SMAD4: variants seen among roughly 807,000 people sequenced by gnomAD.
The protein encoded by SMAD4 is SMAD family member 4.
SMAD4 carries 7 observed loss-of-function variants against 63.2 expected under a neutral mutation model. The ratio of observed to expected loss-of-function variants is 0.11; its 90% CI spans 0.06 to 0.21. The LOEUF is 0.21. Ranked by LOEUF, SMAD4 falls within the 10% of genes least tolerant of loss-of-function variation. SMAD4 has a pLI of 1.00. For missense variants in SMAD4, 312 were observed against 693.8 expected (o/e 0.45, Z 6.18); for synonymous variants, 215 against 235.4 (o/e 0.91, Z 0.79).
Position 51,083,797 on chromosome 18 carries a change from A to G in SMAD4, c.*5330A>G. 1 of 231,166 alleles carries G rather than the reference A, an allele frequency of 4.3e-6. No individual in the cohort carries two copies. The highest frequency in any genetic ancestry group is 6.1e-5 in the East Asian group (1 of 16,374). The allele number at this position is 231,166 out of a possible 1,614,324, so 14.3% of individuals were successfully genotyped here. A position where few individuals can be genotyped will look rare whatever the true frequency, so the allele number is the denominator to read the frequency against. On this transcript the variant is annotated 3_prime_UTR_variant, in exon 12 of 12. Coordinates refer to ENST00000342988, the MANE Select transcript of SMAD4 (RefSeq NM_005359.6). ...TAAGTGACCTTGGCTACCTTGCAGC[A>G]GTTTTGGATTTCTTCCTTATCTTTG...
At chr18:51,031,752 GC>G (rs1208973205) in intron 1 of SMAD4, among the ~76,000 whole-genome samples, 1 of 149,794 alleles carries the variant, frequency 6.7e-6, no homozygotes, top group Non-Finnish European at 1.5e-5. Flanking sequence ...AAAAAAAAAT[GC>G]GTAATTTCGT....
chr18:51,069,117 T>C (rs1910248443), intron 10 of SMAD4, among the ~76,000 whole-genome samples: 1 of 152,158 alleles, frequency 6.6e-6, no homozygotes, highest in South Asian at 2.1e-4. Flanking sequence ...TTATTTATGC[T>C]GTATTATTAT....
intron 1 of SMAD4, among the ~76,000 whole-genome samples, chr18:51,040,707 C>A (rs1909351212): frequency 6.6e-6 from 1 of 152,198 alleles, no homozygotes; most frequent in African/African-American, 2.4e-5. Flanking sequence ...TATTAGTATA[C>A]CTATGGTCAA....
At chr18:51,054,759 A>T (rs759341259) in intron 4 of SMAD4, 22 bp from the exon 5 acceptor site, 1 of 1,550,642 alleles carries the variant, frequency 6.4e-7, no homozygotes, top group Non-Finnish European at 8.9e-7. Flanking sequence ...AAAATTTAAA[A>T]TATGTTTAAT....
In SMAD4 at chr18:51,059,887, C is replaced by T. The variant is rs1599191240; in HGVS notation, c.926C>T (p.Ala309Val). The change falls in exon 8 of 12, where the codon GCA becomes GTA. Residue 309 changes from alanine (A) to valine (V), a missense_variant. Ala to Val is a moderately conservative substitution (Grantham distance 64). Transcript: ENST00000342988. The part of the protein sequence containing the change: ...GHYWPVHNEL[A>V]FQPPISNHPA... The stretch of plus-strand genomic sequence containing the variant: ...TTAGGGCCTGTTCACAATGAGCTTG[C>T]ATTCCAGCCTCCCATTTCCAATCAT... 2.5e-6 allele frequency: 4 copies of T among 1,613,056 alleles called. No individual in the cohort carries two copies. The East Asian group carries it at 8.9e-5, about 36-fold the overall frequency.
intron 4 of SMAD4, chr18:51,053,773 T>C (rs1461919917): frequency 6.6e-6 from 1 of 152,128 alleles, no homozygotes; most frequent in African/African-American, 2.4e-5. Context: ...TGCTGGTTCT[T>C]AATGAAAAAG....
At position 51,030,480 on chromosome 18, in the gene SMAD4, C is replaced by A. The variant is rs1378249626; in HGVS notation, c.-271C>A. The A allele has an allele frequency of 1.3e-5, 2 of 150,172 alleles. No individual in the cohort carries two copies. The highest frequency in any genetic ancestry group is 3.0e-5 in the Non-Finnish European group (2 of 67,362). 9.3% of individuals were successfully genotyped at this position (150,172 alleles called of 1,614,324 possible). On this transcript the variant is annotated 5_prime_UTR_variant, in exon 1 of 12. Coordinates refer to ENST00000342988, the MANE Select transcript of SMAD4 (RefSeq NM_005359.6). ...CCGGCCCGCGCGGGCAGCGGCGCGGCGCTGAGGAGGGGCGGCCTGGCCGGG... is the reference window on the plus strand; with the variant it reads ...CCGGCCCGCGCGGGCAGCGGCGCGGAGCTGAGGAGGGGCGGCCTGGCCGGG...
At chr18:51,052,309 A>G (rs1204872322) in intron 4 of SMAD4, 2 of 152,598 alleles carry the variant, frequency 1.3e-5, no homozygotes, top group Non-Finnish European at 2.9e-5. Flanking sequence ...AGGGACTGCT[A>G]CCTGGAGAGG....
Position 51,079,839 on chromosome 18 carries a change from A to G in SMAD4, c.*1372A>G, listed in dbSNP as rs549821029. 2.2e-4 allele frequency: 50 copies of G among 232,490 alleles called. No homozygotes were observed. The highest frequency in any genetic ancestry group is 9.0e-4 in the African/African-American group (41 of 45,412). 14.4% of individuals were successfully genotyped at this position (232,490 alleles called of 1,614,324 possible). A position where few individuals can be genotyped will look rare whatever the true frequency, so the allele number is the denominator to read the frequency against. On this transcript the variant is annotated 3_prime_UTR_variant, in exon 12 of 12. Coordinates refer to ENST00000342988, the MANE Select transcript of SMAD4 (RefSeq NM_005359.6). ...TTTTTCTTTTGCACTTTTGAGTCCA[A>G]TCTCAGTGATGAGGTACCTTCTACT... is the stretch of plus-strand genomic sequence containing the variant.
rs749026885 is a variant in SMAD4 at position 51,047,015 on chromosome 18, CAT to C, written c.-29_-28del. ...TCAAAATTGCTTCAGAAATTGGAGA[CAT>C]ATTTGATTTAAAAGGAAAAACTTGA... On this transcript the variant is annotated 5_prime_UTR_variant, in exon 2 of 12. It removes the in-frame stop codon of an upstream open reading frame in the 5' UTR. Transcript: ENST00000342988. 8.7e-6 allele frequency: 14 copies of C among 1,603,852 alleles called. No homozygotes were observed. The Admixed American group carries it at 2.2e-4, about 25-fold the overall frequency.
At chr18:51,057,820 A>G (rs1909882092) in intron 5 of SMAD4, among the ~76,000 whole-genome samples, 1 of 152,214 alleles carries the variant, frequency 6.6e-6, no homozygotes, top group Non-Finnish European at 1.5e-5. Context: ...CCTCTGAAGA[A>G]GTTAATATGA....
Position 51,079,263 on chromosome 18 carries a change from G to A in SMAD4, c.*796G>A, listed in dbSNP as rs933630194. The A allele has an allele frequency of 4.3e-6, 1 of 233,158 alleles. No homozygotes were observed. The highest frequency in any genetic ancestry group is 6.1e-5 in the East Asian group (1 of 16,444). 14.4% of individuals were successfully genotyped at this position (233,158 alleles called of 1,614,324 possible). ...TGTATTTCTAGGCACAAGGTTGGTT[G>A]CTAAGAAGCCTATAAGAGGAATTTC... On this transcript the variant is annotated 3_prime_UTR_variant, in exon 12 of 12. Coordinates refer to ENST00000342988, the MANE Select transcript of SMAD4 (RefSeq NM_005359.6).
intron 1 of SMAD4, among the ~76,000 whole-genome samples, chr18:51,043,997 C>T (rs911071179): frequency 3.3e-5 from 5 of 152,122 alleles, no homozygotes; most frequent in Admixed American, 2.0e-4. Context: ...TTGCTGTTTT[C>T]TTGGATTTCT....
At chr18:51,052,886 G>C (rs557534977) in intron 4 of SMAD4, 1 of 154,958 alleles carries the variant, frequency 6.5e-6, no homozygotes, top group South Asian at 2.0e-4. Flanking sequence ...TGATCATAGT[G>C]TACAATAGTG....
At chr18:51,041,845 G>C (rs1467465140) in intron 1 of SMAD4, among the ~76,000 whole-genome samples, 2 of 152,182 alleles carry the variant, frequency 1.3e-5, no homozygotes, top group Non-Finnish European at 2.9e-5. Context: ...TTAAGCTACT[G>C]ATCTTTTGGG....
intron 10 of SMAD4, among the ~76,000 whole-genome samples, chr18:51,074,363 A>C (rs2144468985): frequency 6.6e-6 from 1 of 152,312 alleles, no homozygotes. Flanking sequence ...ACAACAACAA[A>C]AAAGGCAAAA....
chr18:51,047,535 TA>T (rs1854747147), intron 2 of SMAD4, among the ~76,000 whole-genome samples: 1 of 151,638 alleles, frequency 6.6e-6, no homozygotes, highest in Non-Finnish European at 1.5e-5. Context: ...AAAATAAAAA[TA>T]AAAAGCAGAA....
chr18:51,075,547 T>C (rs1266745658), intron 10 of SMAD4, among the ~76,000 whole-genome samples: 1 of 152,170 alleles, frequency 6.6e-6, no homozygotes, highest in Admixed American at 6.5e-5. Context: ...TCCTGCAAAT[T>C]CTTTTTGTGT....
chr18:51,083,995 CGT>C lies in SMAD4; in HGVS notation c.*5530_*5531del, dbSNP rs1269867739. On this transcript the variant is annotated 3_prime_UTR_variant, in exon 12 of 12. Coordinates refer to ENST00000342988, the MANE Select transcript of SMAD4 (RefSeq NM_005359.6). ...GGGGCTGCAATAAACACTTAACGCG[CGT>C]GCGCACGCGCGCGCGCACACACACA... 136 of 151,326 alleles carry C rather than the reference CGT, an allele frequency of 9.0e-4. No individual in the cohort carries two copies. The highest frequency in any genetic ancestry group is 4.8e-3 in the African/African-American group (127 of 26,534). The allele number at this position is 151,326 out of a possible 1,614,324, so 9.4% of individuals were successfully genotyped here.
Sources: allele counts gnomAD v4.1 joint callset (sites outside exome capture counted in the v4.1 genomes callset), GRCh38; gene constraint gnomAD v4.1.1; transcripts MANE v1.5; gene names NCBI Gene and HGNC (gene_info 2026-07-23, HGNC 2026-07-21).